Variants in CLCA2 observed in about 807,000 individuals in gnomAD.
The protein encoded by CLCA2 is calcium-activated chloride channel regulator 2.
CLCA2 carries 85 observed loss-of-function variants against 82.9 expected under a neutral mutation model. The observed-to-expected ratio is 1.03, with a 90% CI of 0.86 to 1.23. The LOEUF is 1.23. CLCA2 is among the 50% of genes most tolerant of loss of function. CLCA2 has a pLI of 0.00. For synonymous variants in CLCA2, 421 were observed against 391.7 expected (o/e 1.07, Z -0.88); for missense variants, 1,089 against 1,124.8 (o/e 0.97, Z 0.45).
intron 1 of CLCA2, among the ~76,000 whole-genome samples, chr1:86,424,780 C>T (rs981437908): frequency 3.3e-5 from 5 of 152,148 alleles, no homozygotes; most frequent in African/African-American, 1.2e-4. Flanking sequence ...GATGAATAAG[C>T]ATGATAATGA....
chr1:86,454,811 CAAA>C (rs1438146999), intron 13 of CLCA2, among the ~76,000 whole-genome samples: 2 of 149,138 alleles, frequency 1.3e-5, no homozygotes, highest in Non-Finnish European at 3.0e-5. Flanking sequence ...AAAACAAAAA[CAAA>C]AACAAAAACA....
At chr1:86,441,413 G>T in intron 8 of CLCA2, 24 bp from the exon 9 acceptor site, 1 of 1,352,622 alleles carries the variant, frequency 7.4e-7, no homozygotes, top group South Asian at 1.3e-5. Flanking sequence ...TTTTAATAGT[G>T]AACACTCCTA....
rs149480136 is a variant in CLCA2 at position 86,447,539 on chromosome 1, C to T, written c.1745C>T (p.Thr582Ile). The T allele has an allele frequency of 6.8e-5, 110 of 1,614,008 alleles. No homozygotes were observed. The East Asian group carries it at 2.4e-3, about 36-fold the overall frequency. ...PGHWTYTLNN[T>I]HHSLQALKVT... The stretch of plus-strand genomic sequence containing the variant: ...CACTGGACTTACACCCTGAACAATA[C>T]CCATCATTCTCTGCAAGCCCTGAAA... The change falls in exon 11 of 14, where the codon ACC (threonine) becomes ATC (isoleucine). Residue 582 changes from threonine (T) to isoleucine (I), a missense_variant. Thr to Ile is a moderately conservative substitution (Grantham distance 89). Coordinates refer to ENST00000370565, the MANE Select transcript of CLCA2 (RefSeq NM_006536.7).
chr1:86,437,140 G>T (rs185432145), intron 6 of CLCA2, among the ~76,000 whole-genome samples: 1 of 152,314 alleles, frequency 6.6e-6, no homozygotes, highest in Non-Finnish European at 1.5e-5. Context: ...ATGTAGAAGA[G>T]AAATAAGCCC....
intron 6 of CLCA2, among the ~76,000 whole-genome samples, chr1:86,438,454 G>C (rs1558109171): frequency 6.6e-6 from 1 of 152,168 alleles, no homozygotes; most frequent in Non-Finnish European, 1.5e-5. Context: ...TAGTGCCGGG[G>C]CAGATCATGG....
chr1:86,434,491 T>C (rs1307244667), intron 5 of CLCA2, 27 bp from the exon 6 acceptor site: 1 of 1,590,788 alleles, frequency 6.3e-7, no homozygotes, highest in Non-Finnish European at 8.6e-7. Context: ...AGTGCCTCTC[T>C]TTATTAAAGA....
intron 8 of CLCA2, among the ~76,000 whole-genome samples, chr1:86,441,174 T>C (rs1331522880): frequency 1.3e-5 from 2 of 152,142 alleles, no homozygotes; most frequent in Non-Finnish European, 2.9e-5. Flanking sequence ...GACTATTCAA[T>C]AAATATTTAT....
intron 5 of CLCA2, among the ~76,000 whole-genome samples, chr1:86,433,381 GC>G (rs1392748870): frequency 1.3e-5 from 2 of 152,170 alleles, no homozygotes; most frequent in Non-Finnish European, 2.9e-5. Context: ...GCTGACCAAT[GC>G]CCCTTGGATT....
chr1:86,424,347 C>T lies in CLCA2; in HGVS notation c.100C>T (p.Gln34Ter). The change falls in exon 1 of 14, where the codon CAG (glutamine) becomes TAG (stop). Residue 34 changes from glutamine to a stop codon, truncating the protein, a stop_gained. Transcript: ENST00000370565. LOFTEE classifies it high-confidence loss of function. ...SELPFLGAGV[Q>*]LQDNGYNGLL... is the part of the protein sequence containing the mutation. ...ACTCCCATTCCTGGGAGCTGGAGTACAGCTTCAAGACAATGGGTATAATGG... is the reference window on the plus strand; with the variant it reads ...ACTCCCATTCCTGGGAGCTGGAGTATAGCTTCAAGACAATGGGTATAATGG... The T allele has an allele frequency of 1.9e-6, 3 of 1,613,976 alleles. No individual in the cohort carries two copies. The highest frequency in any genetic ancestry group is 2.5e-6 in the Non-Finnish European group (3 of 1,179,930).
chr1:86,424,216 C>T lies in CLCA2; in HGVS notation c.-32C>T, dbSNP rs780905457. 1.3e-6 allele frequency: 2 copies of T among 1,590,754 alleles called. No individual in the cohort carries two copies. Among genetic ancestry groups the T allele is most frequent in the East Asian group, 2.2e-5 (1 of 44,658 alleles). Reference sequence around the variant, plus strand: ...CCTGACACAATGTATGCAGCAGGCTCAGTGTGAGTGAACTGGAGGCTTCTC... The same window carrying T: ...CCTGACACAATGTATGCAGCAGGCTTAGTGTGAGTGAACTGGAGGCTTCTC... On this transcript the variant is annotated 5_prime_UTR_variant, in exon 1 of 14. It introduces an in-frame stop codon into an upstream open reading frame of the 5' UTR. Coordinates refer to ENST00000370565, the MANE Select transcript of CLCA2 (RefSeq NM_006536.7).
Position 86,425,421 on chromosome 1 carries a change from C to G in CLCA2, c.269C>G (p.Pro90Arg). 1 of 1,566,920 alleles carries G rather than the reference C, an allele frequency of 6.4e-7. No homozygotes were observed. The highest frequency in any genetic ancestry group is 1.2e-5 in the South Asian group (1 of 81,836). ...TTCAGAAATATAAAGATTTTAATAC[C>G]TGCCACATGGAAAGCTAATAATAAC... is the stretch of plus-strand genomic sequence containing the variant. ...VFFRNIKILI[P>R]ATWKANNNSK... The change falls in exon 2 of 14, where the codon CCT (proline) becomes CGT (arginine). Residue 90 changes from proline (P) to arginine (R), a missense_variant. Coordinates refer to ENST00000370565, the MANE Select transcript of CLCA2 (RefSeq NM_006536.7).
intron 10 of CLCA2, among the ~76,000 whole-genome samples, chr1:86,445,188 G>A (rs1301564870): frequency 2.6e-5 from 4 of 151,864 alleles, no homozygotes; most frequent in East Asian, 1.9e-4. Context: ...ATGAGCCACC[G>A]CTCCCACCAC....
At chr1:86,429,397 G>A (rs999080531) in intron 3 of CLCA2, among the ~76,000 whole-genome samples, 6 of 152,192 alleles carry the variant, frequency 3.9e-5, no homozygotes, top group Non-Finnish European at 5.9e-5. Context: ...CAAGAGGCAC[G>A]TGGAGACAGC....
chr1:86,427,573 CA>C (rs1306532585), intron 2 of CLCA2, among the ~76,000 whole-genome samples: 1 of 150,404 alleles, frequency 6.6e-6, no homozygotes, highest in Non-Finnish European at 1.5e-5. Context: ...CACACACACA[CA>C]AAACACATAT....
Position 86,439,024 on chromosome 1 carries a change from A to G in CLCA2, c.1121A>G (p.Lys374Arg). 3 of 1,614,152 alleles carry G rather than the reference A, an allele frequency of 1.9e-6. No homozygotes were observed. The highest frequency in any genetic ancestry group is 2.5e-6 in the Non-Finnish European group (3 of 1,180,000). The change falls in exon 7 of 14, where the codon AAG (lysine) becomes AGG (arginine). Residue 374 changes from lysine (K) to arginine (R), a missense_variant. Transcript: ENST00000370565. ...CAAATTAACAGCAATGATGATCGAAAGTTGCTGGTTTCATATCTGCCCACC... is the reference window on the plus strand; with the variant it reads ...CAAATTAACAGCAATGATGATCGAAGGTTGCTGGTTTCATATCTGCCCACC... ...LHQINSNDDR[K>R]LLVSYLPTTV...
intron 7 of CLCA2, among the ~76,000 whole-genome samples, chr1:86,439,924 A>G (rs555815790): frequency 3.9e-4 from 59 of 152,150 alleles, no homozygotes; most frequent in Non-Finnish European, 7.8e-4. Context: ...GTTCTAAACT[A>G]TGGGGACACC....
At chr1:86,452,176 C>CTTTTTTTTTTTTTT (rs753484167) in intron 12 of CLCA2, among the ~76,000 whole-genome samples, 2 of 43,936 alleles carry the variant, frequency 4.6e-5, no homozygotes, top group African/African-American at 1.8e-4. Flanking sequence ...AACCTGGAAG[C>CTTTTTTTTTTTTTT]TTTTTTTTTT....
Position 86,456,515 on chromosome 1 carries a change from TAA to T in CLCA2, c.*991_*992del. On this transcript the variant is annotated 3_prime_UTR_variant, in exon 14 of 14. Coordinates refer to ENST00000370565, the MANE Select transcript of CLCA2 (RefSeq NM_006536.7). ...ATTTTACTCCTTCCTCTTATTTTTT[TAA>T]AAGATTATCGAACAATAAAATCATT... The T allele has an allele frequency of 6.6e-6, 1 of 152,352 alleles. No homozygotes were observed. Among genetic ancestry groups the T allele is most frequent in the Non-Finnish European group, 1.5e-5 (1 of 68,040 alleles). 9.4% of individuals were successfully genotyped at this position (152,352 alleles called of 1,614,324 possible). A position where few individuals can be genotyped will look rare whatever the true frequency, so the allele number is the denominator to read the frequency against.
At chr1:86,439,925 TGGGG>T (rs1662689858) in intron 7 of CLCA2, among the ~76,000 whole-genome samples, 2 of 152,118 alleles carry the variant, frequency 1.3e-5, no homozygotes, top group South Asian at 4.1e-4. Flanking sequence ...TTCTAAACTA[TGGGG>T]ACACCTTGAT....
Sources: gnomAD v4.1 joint callset for allele counts (sites outside exome capture counted in the v4.1 genomes callset) on GRCh38, gnomAD v4.1.1 for gene constraint, MANE v1.5 for transcripts, NCBI Gene and HGNC (gene_info 2026-07-23, HGNC 2026-07-21) for gene names.